Variants in ADCY8 observed in about 807,000 individuals in gnomAD.
The protein encoded by ADCY8 is adenylate cyclase type 8.
ADCY8 carries 51 observed loss-of-function variants against 119.7 expected under a neutral mutation model. The observed-to-expected ratio is 0.43, with a 90% CI of 0.34 to 0.54. The LOEUF (loss-of-function observed/expected upper bound fraction) is 0.54, where lower values mean the gene tolerates loss of function less well. Ranked by LOEUF, ADCY8 falls within the 20% of genes least tolerant of loss-of-function variation. The pLI is 0.03. For missense variants in ADCY8, 1,383 were observed against 1,598.8 expected (o/e 0.87, Z 2.30); for synonymous variants, 665 against 651.0 (o/e 1.02, Z -0.33).
At chr8:130,805,495 G>T (rs758826347) in intron 14 of ADCY8, among the ~76,000 whole-genome samples, 2 of 152,212 alleles carry the variant, frequency 1.3e-5, no homozygotes, top group Non-Finnish European at 2.9e-5. Context: ...GAAGAAATAT[G>T]ACCTGAGTTC....
chr8:130,990,117 C>A (rs191019366), intron 2 of ADCY8, among the ~76,000 whole-genome samples: 1 of 152,332 alleles, frequency 6.6e-6, no homozygotes, highest in East Asian at 1.9e-4. Context: ...TGACCTTGTT[C>A]ACAAACACAG....
chr8:130,852,251 A>T (rs1817555348), intron 9 of ADCY8, among the ~76,000 whole-genome samples: 1 of 152,120 alleles, frequency 6.6e-6, no homozygotes, highest in African/African-American at 2.4e-5. Flanking sequence ...TTGTTGGTAG[A>T]GGTTTTTTTT....
intron 1 of ADCY8, among the ~76,000 whole-genome samples, chr8:131,003,401 A>C (rs113601699): frequency 1.3e-5 from 2 of 152,236 alleles, no homozygotes; most frequent in African/African-American, 4.8e-5. Flanking sequence ...GTAGTTTAAG[A>C]TATCAACATA....
chr8:130,858,788 A>G (rs1797073659), intron 9 of ADCY8, among the ~76,000 whole-genome samples: 1 of 152,154 alleles, frequency 6.6e-6, no homozygotes, highest in Non-Finnish European at 1.5e-5. Context: ...ATTGTGGATT[A>G]TAAATAAATA....
At chr8:130,901,242 C>CTTTTT (rs34424673) in intron 7 of ADCY8, among the ~76,000 whole-genome samples, 64 of 115,540 alleles carry the variant, frequency 5.5e-4, no homozygotes, top group Middle Eastern at 6.2e-3. Flanking sequence ...CATCCCTCCT[C>CTTTTT]TTTTTTTTTT....
intron 3 of ADCY8, among the ~76,000 whole-genome samples, chr8:130,945,445 T>C (rs973112311): frequency 2.6e-5 from 4 of 152,142 alleles, no homozygotes; most frequent in Non-Finnish European, 5.9e-5. Context: ...TAGATCTGGG[T>C]TCAAATCTTA....
intron 14 of ADCY8, among the ~76,000 whole-genome samples, chr8:130,801,299 A>G (rs1292060036): frequency 1.3e-5 from 2 of 150,880 alleles, no homozygotes; most frequent in Non-Finnish European, 3.0e-5. Flanking sequence ...TTTCTACTTC[A>G]TTGAGAACAT....
At chr8:130,945,601 G>A (rs1354346480) in intron 3 of ADCY8, among the ~76,000 whole-genome samples, 1 of 152,164 alleles carries the variant, frequency 6.6e-6, no homozygotes, top group Non-Finnish European at 1.5e-5. Flanking sequence ...CATAGTAAAT[G>A]TTCCTTAAAC....
At chr8:130,794,313 C>T (rs537203806) in intron 15 of ADCY8, among the ~76,000 whole-genome samples, 104 of 152,236 alleles carry the variant, frequency 6.8e-4, no homozygotes, top group African/African-American at 2.4e-3. Flanking sequence ...GGTGCGATCT[C>T]GGCTCACTGC....
intron 3 of ADCY8, among the ~76,000 whole-genome samples, chr8:130,947,664 C>T (rs758154223): frequency 9.2e-5 from 14 of 152,148 alleles, no homozygotes; most frequent in African/African-American, 2.4e-4. Context: ...ACTCTAAAAA[C>T]GAGGATTTTT....
chr8:130,785,526 A>G, intron 15 of ADCY8, 51 bp from the exon 16 acceptor site: 1 of 1,430,836 alleles, frequency 7.0e-7, no homozygotes, highest in Non-Finnish European at 9.5e-7. Context: ...TTCTTCCAGC[A>G]GCCTGGGCTC....
Position 130,943,332 on chromosome 8 carries a change from G to C in ADCY8, c.1353+19C>G, listed in dbSNP as rs1821012639. 1 of 1,570,306 alleles carries C rather than the reference G, an allele frequency of 6.4e-7. No homozygotes were observed. Among genetic ancestry groups the C allele is most frequent in the Non-Finnish European group, 8.8e-7 (1 of 1,140,710 alleles). On this transcript the variant is annotated intron_variant, in intron 4 of 17. Coordinates refer to ENST00000286355, the MANE Select transcript of ADCY8 (RefSeq NM_001115.3). ...CCTCACTCCTGCAAAAGACGAGGAG[G>C]AAATTAAATTCAACTCACATGGGCC...
At chr8:131,030,072 G>A (rs1281811063) in intron 1 of ADCY8, among the ~76,000 whole-genome samples, 1 of 152,208 alleles carries the variant, frequency 6.6e-6, no homozygotes, top group African/African-American at 2.4e-5. Flanking sequence ...TGCTCTGATA[G>A]AGGAAAACAC....
intron 11 of ADCY8, among the ~76,000 whole-genome samples, chr8:130,846,540 CTTCCTTCA>C (rs1233082979): frequency 1.5e-4 from 19 of 127,660 alleles, no homozygotes; most frequent in East Asian, 4.6e-4. Context: ...CCCTTCCTTC[CTTCCTTCA>C]TTCCTTCATT....
Position 131,040,827 on chromosome 8 carries a change from G to A in ADCY8, c.-494C>T, listed in dbSNP as rs377070943. The A allele has an allele frequency of 5.3e-4, 81 of 153,268 alleles. 2 individuals carry two copies. In the South Asian group the frequency reaches 0.014, roughly 27 times the overall value. 9.5% of individuals were successfully genotyped at this position (153,268 alleles called of 1,614,324 possible). On this transcript the variant is annotated 5_prime_UTR_variant, in exon 1 of 18. Coordinates refer to ENST00000286355, the MANE Select transcript of ADCY8 (RefSeq NM_001115.3). ...CGCGGCTGCAGGGGGCCTGGCCGGCGGTGACCGGCGGCAGCGATGGGTGCG... is the reference window on the plus strand; with the variant it reads ...CGCGGCTGCAGGGGGCCTGGCCGGCAGTGACCGGCGGCAGCGATGGGTGCG...
At chr8:130,879,375 A>G (rs777954646) in intron 8 of ADCY8, among the ~76,000 whole-genome samples, 3 of 152,236 alleles carry the variant, frequency 2.0e-5, no homozygotes, top group Non-Finnish European at 4.4e-5. Context: ...GAAATGTGCA[A>G]GTCACAAAAG....
chr8:130,985,815 T>C (rs1234784414), intron 2 of ADCY8, among the ~76,000 whole-genome samples: 1 of 152,198 alleles, frequency 6.6e-6, no homozygotes, highest in Non-Finnish European at 1.5e-5. Flanking sequence ...CAGTATTGTC[T>C]AACAAAGATA....
chr8:130,949,683 G>A (rs541064418), intron 3 of ADCY8: 2 of 152,144 alleles, frequency 1.3e-5, no homozygotes, highest in African/African-American at 2.4e-5. Flanking sequence ...TTCCAGGAAG[G>A]TTTCTCTACC....
chr8:130,812,783 C>T (rs1816208698), intron 14 of ADCY8, among the ~76,000 whole-genome samples: 1 of 152,078 alleles, frequency 6.6e-6, no homozygotes, highest in South Asian at 2.1e-4. Context: ...GATATATACA[C>T]ACATATGTAT....
Sources: allele counts gnomAD v4.1 joint callset (sites outside exome capture counted in the v4.1 genomes callset), GRCh38; gene constraint gnomAD v4.1.1; transcripts MANE v1.5; gene names NCBI Gene and HGNC (gene_info 2026-07-23, HGNC 2026-07-21).